Variants in TF observed in about 807,000 individuals in gnomAD.
The protein encoded by TF is transferrin.
Under a neutral mutation model 82.4 loss-of-function variants are expected in TF, and 55 were observed. The ratio of observed to expected loss-of-function variants is 0.67; its 90% CI spans 0.54 to 0.84. The LOEUF is 0.84. Among genes scored for constraint, TF ranks in the 40% least tolerant of loss-of-function variants. The pLI, the probability that TF is intolerant of heterozygous loss-of-function variation, is 0.00. For missense variants in TF, 737 were observed against 868.4 expected (o/e 0.85, Z 1.90); for synonymous variants, 332 against 332.6 (o/e 1.00, Z 0.02).
rs576038721 is a variant in TF at position 133,753,495 on chromosome 3, G to T, written c.217-100G>T. On this transcript the variant is annotated intron_variant, in intron 2 of 16. Transcript: ENST00000402696. ...GTGGTCTAGTCAAGTTCTGGCCCTG[G>T]GTCCGTGGAGTCCTGGTAGCCACTC... 4.4e-4 allele frequency: 451 copies of T among 1,023,564 alleles called. No individual in the cohort carries two copies. In the Middle Eastern group the frequency reaches 0.01, roughly 24 times the overall value. 63.4% of individuals were successfully genotyped at this position (1,023,564 alleles called of 1,614,324 possible).
chr3:133,726,069 T>C, the TF span, among the ~76,000 whole-genome samples: 1 of 152,242 alleles, frequency 6.6e-6, no homozygotes, highest in South Asian at 2.1e-4. Flanking sequence ...CAGTATTTTA[T>C]TGAGGATTTT....
At chr3:133,736,631 C>CAAAAAAAAAAAAAA in the TF span, among the ~76,000 whole-genome samples, 18 of 32,550 alleles carry the variant, frequency 5.5e-4, 2 homozygotes, top group Non-Finnish European at 7.6e-4. Flanking sequence ...AATGGAAAGC[C>CAAAAAAAAAAAAAA]AAAAAAAAAA....
chr3:133,675,830 C>A, the TF span, among the ~76,000 whole-genome samples: 1 of 152,114 alleles, frequency 6.6e-6, no homozygotes, highest in Non-Finnish European at 1.5e-5. Context: ...TCTGTATGAT[C>A]AACTTTCACA....
chr3:133,711,361 A>C, the TF span, among the ~76,000 whole-genome samples: 1 of 152,182 alleles, frequency 6.6e-6, no homozygotes. Context: ...GCCTCCAGAC[A>C]TGTATGTATT....
At chr3:133,736,631 C>CAAAAAAAAAAAAAAAAAAAA in the TF span, among the ~76,000 whole-genome samples, 3 of 32,548 alleles carry the variant, frequency 9.2e-5, no homozygotes, top group East Asian at 1.2e-3. Flanking sequence ...AATGGAAAGC[C>CAAAAAAAAAAAAAAAAAAAA]AAAAAAAAAA....
chr3:133,760,129 C>T (rs1162899390), intron 9 of TF, among the ~76,000 whole-genome samples: 1 of 152,018 alleles, frequency 6.6e-6, no homozygotes, highest in Non-Finnish European at 1.5e-5. Flanking sequence ...CACTCCCCCT[C>T]CTCCCCACAT....
intron 14 of TF, among the ~76,000 whole-genome samples, chr3:133,771,671 A>G (rs948993407): frequency 3.5e-5 from 5 of 142,040 alleles, no homozygotes; most frequent in Non-Finnish European, 7.5e-5. Flanking sequence ...TGGGAAGCGG[A>G]GCTTGCAGTG....
chr3:133,776,381 C>A (rs1457793891), intron 15 of TF, among the ~76,000 whole-genome samples: 1 of 152,214 alleles, frequency 6.6e-6, no homozygotes, highest in East Asian at 1.9e-4. Context: ...CCTCCACACA[C>A]ACACATCACC....
At position 133,781,411 on chromosome 3, in the gene TF, CTT is replaced by C. The variant is rs1176119595; in HGVS notation, c.*2793_*2794del. The C allele has an allele frequency of 2.6e-5, 4 of 151,952 alleles. No individual in the cohort carries two copies. Among genetic ancestry groups the C allele is most frequent in the Non-Finnish European group, 4.4e-5 (3 of 67,984 alleles). 9.4% of individuals were successfully genotyped at this position (151,952 alleles called of 1,614,324 possible). On this transcript the variant is annotated 3_prime_UTR_variant, in exon 17 of 17. Transcript: ENST00000402696. ...AAGGAAATATTAAAATAAAAAATAA[CTT>C]TCTTTTATACAAATAATAGTGAGTT...
chr3:133,770,552 C>T lies in TF; in HGVS notation c.1667C>T (p.Thr556Ile), dbSNP rs373607093. ...KGDVAFVKHQ[T>I]VPQNTGGKNP... Reference sequence around the variant, plus strand: ...GATGTGGCCTTTGTGAAACACCAGACTGTCCCACAGAACACTGGGGGTAAG... The same window carrying T: ...GATGTGGCCTTTGTGAAACACCAGATTGTCCCACAGAACACTGGGGGTAAG... The change falls in exon 14 of 17, where the codon ACT becomes ATT. Residue 556 changes from threonine (T) to isoleucine (I), a missense_variant. Thr to Ile is a moderately conservative substitution (Grantham distance 89). Coordinates refer to ENST00000402696, the MANE Select transcript of TF (RefSeq NM_001063.4). 7.4e-5 allele frequency: 119 copies of T among 1,614,146 alleles called. No homozygotes were observed. The highest frequency in any genetic ancestry group is 2.0e-4 in the East Asian group (9 of 44,876).
At chr3:133,748,734 G>A in intron 2 of TF, 150 bp downstream of exon 2, 2 of 1,063,848 alleles carry the variant, frequency 1.9e-6, no homozygotes, top group Non-Finnish European at 2.8e-6. Flanking sequence ...AGTGGAAATG[G>A]GGAGGTTTTC....
At chr3:133,684,781 A>C in the TF span, among the ~76,000 whole-genome samples, 5 of 152,246 alleles carry the variant, frequency 3.3e-5, no homozygotes, top group African/African-American at 4.8e-5. Flanking sequence ...AGGTACGAAG[A>C]GGAGCTGGTA....
At chr3:133,719,678 A>G in the TF span, among the ~76,000 whole-genome samples, 1 of 152,144 alleles carries the variant, frequency 6.6e-6, no homozygotes, top group Admixed American at 6.5e-5. Flanking sequence ...GAGGGATTAC[A>G]TTAATTCTAC....
chr3:133,754,456 C>T, intron 3 of TF, 39 bp from the exon 4 acceptor site: 1 of 1,609,390 alleles, frequency 6.2e-7, no homozygotes, highest in East Asian at 2.2e-5. Context: ...TTTCCCTGCA[C>T]CAGGCTGAGG....
At position 133,753,670 on chromosome 3, in the gene TF, C is replaced by T. The variant is rs1933738653; in HGVS notation, c.292C>T (p.Pro98Ser). 1 of 1,614,024 alleles carries T rather than the reference C, an allele frequency of 6.2e-7. No homozygotes were observed. The highest frequency in any genetic ancestry group is 1.7e-5 in the Admixed American group (1 of 59,996). Residue 98 changes from proline to serine, a missense_variant, in exon 3 of 17, where the codon CCT (proline) becomes TCT (serine). By Grantham distance (74) the Pro-to-Ser change is moderately conservative (BLOSUM62 -1). Coordinates refer to ENST00000402696, the MANE Select transcript of TF (RefSeq NM_001063.4). ...DAYLAPNNLK[P>S]VVAEFYGSKE... ...TTACCTGGCTCCCAATAACCTGAAG[C>T]CTGTGGTGGCAGAGTTCTATGGGTC...
intron 1 of TF, 61 bp from the exon 2 acceptor site, chr3:133,748,351 G>T: frequency 6.2e-7 from 1 of 1,605,580 alleles, no homozygotes; most frequent in Non-Finnish European, 8.5e-7. Context: ...TTCTAGGGGC[G>T]ATGCTGTCTC....
rs1260988781 is a variant in TF at position 133,794,233 on chromosome 3, G to GA, written c.*15617dup. On this transcript the variant is annotated 3_prime_UTR_variant, in exon 17 of 17. Coordinates refer to ENST00000402696, the MANE Select transcript of TF (RefSeq NM_001063.4). The stretch of plus-strand genomic sequence containing the variant: ...TTTCTGCATTACATGACTCGTCACG[G>GA]AAAAGATAAAATGATCCAAATTGAA... 6.6e-6 allele frequency: 1 copy of GA among 152,138 alleles called. No individual in the cohort carries two copies. The highest frequency in any genetic ancestry group is 1.5e-5 in the Non-Finnish European group (1 of 68,032). The allele number at this position is 152,138 out of a possible 1,614,324, so 9.4% of individuals were successfully genotyped here.
At chr3:133,681,609 C>T in the TF span, among the ~76,000 whole-genome samples, 1 of 152,130 alleles carries the variant, frequency 6.6e-6, no homozygotes, top group East Asian at 1.9e-4. Context: ...ATTGCTAGCA[C>T]AACAGTCTGA....
chr3:133,771,926 G>A (rs529009514), intron 14 of TF, among the ~76,000 whole-genome samples: 1 of 152,050 alleles, frequency 6.6e-6, no homozygotes, highest in South Asian at 2.1e-4. Flanking sequence ...TTCAAGCTGT[G>A]AATACTTCCC....
Sources: gnomAD v4.1 joint callset for allele counts (sites outside exome capture counted in the v4.1 genomes callset) on GRCh38, gnomAD v4.1.1 for gene constraint, MANE v1.5 for transcripts, NCBI Gene and HGNC (gene_info 2026-07-23, HGNC 2026-07-21) for gene names.